Variants in FGF14 observed in about 807,000 individuals in gnomAD.
FGF14 encodes fibroblast growth factor 14.
FGF14 carries 5 observed loss-of-function variants against 25.5 expected under a neutral mutation model. The observed-to-expected ratio is 0.20, with a 90% CI of 0.10 to 0.41. The LOEUF is 0.41. Among genes scored for constraint, FGF14 ranks in the 10% least tolerant of loss-of-function variants. The probability of loss-of-function intolerance (pLI) is 1.00; values close to 1 mark genes in which losing one functional copy is unlikely to be tolerated. For synonymous variants in FGF14, 138 were observed against 118.3 expected, an observed-to-expected ratio of 1.17 and a Z score of -1.08; for missense variants, 222 against 320.1, an observed-to-expected ratio of 0.69 and a Z score of 2.34.
intron 1 of FGF14, among the ~76,000 whole-genome samples, chr13:102,287,350 C>T (rs55863205): frequency 0.1 from 15,522 of 152,126 alleles, 1,020 homozygotes; most frequent in Middle Eastern, 0.2. Flanking sequence ...GCAAAGCCAC[C>T]TTAGTTTATG....
At position 101,724,531 on chromosome 13, in the gene FGF14, T is replaced by C. The variant is rs539007671; in HGVS notation, c.608-1564A>G. Among the ~76,000 whole-genome samples the C allele has an allele frequency of 4.0e-5, 6 of 150,254 alleles. No homozygotes were observed. The East Asian group carries it at 7.9e-4, about 20-fold the overall frequency. On this transcript the variant is annotated intron_variant, in intron 4 of 4. Transcript: ENST00000376143. ...GGGTGCAGCACACCAACATGGCACA[T>C]GTATACATATGTCACAAACCTGCAC... is the stretch of plus-strand genomic sequence containing the variant.
intron 4 of FGF14, among the ~76,000 whole-genome samples, chr13:101,725,403 T>C (rs2035348828): frequency 6.6e-6 from 1 of 152,034 alleles, no homozygotes; most frequent in East Asian, 1.9e-4. Context: ...TTTTCCTGTA[T>C]AGGCCCTGGT....
chr13:101,861,234 C>G (rs1357389997), intron 3 of FGF14, among the ~76,000 whole-genome samples: 1 of 152,110 alleles, frequency 6.6e-6, no homozygotes, highest in Admixed American at 6.6e-5. Flanking sequence ...CTTCTAGGAT[C>G]AATGAGCTTC....
intron 3 of FGF14, among the ~76,000 whole-genome samples, chr13:101,783,161 T>A (rs1183955113): frequency 6.6e-6 from 1 of 152,146 alleles, no homozygotes; most frequent in Non-Finnish European, 1.5e-5. Flanking sequence ...TGATTGTTGG[T>A]GCATGTATGC....
intron 1 of FGF14, among the ~76,000 whole-genome samples, chr13:102,036,309 T>A (rs1336823433): frequency 2.6e-5 from 4 of 152,136 alleles, no homozygotes; most frequent in Non-Finnish European, 2.9e-5. Flanking sequence ...GCCAGTCTTA[T>A]GTACACCACC....
intron 1 of FGF14, among the ~76,000 whole-genome samples, chr13:102,275,077 A>G (rs1485079461): frequency 6.6e-6 from 1 of 152,000 alleles, no homozygotes; most frequent in Non-Finnish European, 1.5e-5. Flanking sequence ...ATCTTAGCAC[A>G]TATTTGAAGC....
In FGF14 at chr13:101,715,484, C is replaced by T; in HGVS notation, c.*7347G>A. On this transcript the variant is annotated 3_prime_UTR_variant, in exon 5 of 5. Transcript: ENST00000376143. The stretch of plus-strand genomic sequence containing the variant: ...ATGAATGAAATGATTTCATTGTGGA[C>T]ACTTGTGATTTATAATAGCATGTTT... 2.1e-6 allele frequency: 2 copies of T among 936,058 alleles called. No homozygotes were observed. Among genetic ancestry groups the T allele is most frequent in the Admixed American group, 1.8e-5 (1 of 57,126 alleles). 58.0% of individuals were successfully genotyped at this position (936,058 alleles called of 1,614,324 possible). A position where few individuals can be genotyped will look rare whatever the true frequency, so the allele number is the denominator to read the frequency against.
chr13:102,099,484 A>T (rs935988011), intron 1 of FGF14, among the ~76,000 whole-genome samples: 1 of 152,218 alleles, frequency 6.6e-6, no homozygotes, highest in African/African-American at 2.4e-5. Flanking sequence ...CAATTTATTA[A>T]GCATCCATTA....
chr13:102,157,723 AGT>A (rs2047413529), intron 1 of FGF14, among the ~76,000 whole-genome samples: 1 of 152,222 alleles, frequency 6.6e-6, no homozygotes, highest in Non-Finnish European at 1.5e-5. Flanking sequence ...TTCTGTTCAG[AGT>A]GAATAGGCAA....
chr13:102,396,595 T>C (rs1221913827), intron 1 of FGF14, among the ~76,000 whole-genome samples: 2 of 152,210 alleles, frequency 1.3e-5, no homozygotes, highest in Middle Eastern at 3.2e-3. Context: ...TGGTTCATTG[T>C]AGGAAACGTG....
chr13:101,897,988 G>C (rs147996935), intron 1 of FGF14, among the ~76,000 whole-genome samples: 2 of 151,676 alleles, frequency 1.3e-5, no homozygotes, highest in African/African-American at 4.9e-5. Context: ...TCTGCCTCCC[G>C]GGTTCAAGTG....
intron 1 of FGF14, among the ~76,000 whole-genome samples, chr13:102,327,771 C>T (rs939719007): frequency 1.1e-4 from 16 of 151,264 alleles, no homozygotes; most frequent in Admixed American, 9.9e-4. Context: ...CCTGGGAGGT[C>T]GAGACTGCAG....
intron 3 of FGF14, among the ~76,000 whole-genome samples, chr13:101,793,771 C>A (rs1215665669): frequency 6.6e-6 from 1 of 152,068 alleles, no homozygotes; most frequent in Non-Finnish European, 1.5e-5. Context: ...CATTGACGCA[C>A]CTGACCCCCT....
chr13:102,134,960 G>T (rs561291723), intron 1 of FGF14, among the ~76,000 whole-genome samples: 11 of 151,952 alleles, frequency 7.2e-5, no homozygotes, highest in African/African-American at 2.7e-4. Flanking sequence ...GAAGTAGAGG[G>T]ATTGCTTGAG....
chr13:102,316,319 A>G (rs556514757), intron 1 of FGF14, among the ~76,000 whole-genome samples: 2 of 152,354 alleles, frequency 1.3e-5, no homozygotes, highest in Non-Finnish European at 2.9e-5. Flanking sequence ...GTCTCTCAAC[A>G]TGCACATCAA....
At chr13:102,203,089 C>T (rs1008433551) in intron 1 of FGF14, among the ~76,000 whole-genome samples, 3 of 152,236 alleles carry the variant, frequency 2.0e-5, no homozygotes, top group African/African-American at 7.2e-5. Flanking sequence ...CCACAGCCAC[C>T]ATCATTTAAA....
chr13:101,978,283 T>C (rs2038048420), intron 1 of FGF14, among the ~76,000 whole-genome samples: 1 of 152,206 alleles, frequency 6.6e-6, no homozygotes, highest in Non-Finnish European at 1.5e-5. Flanking sequence ...CTATAATATG[T>C]GCAGAATGGT....
At chr13:102,011,747 A>T (rs541318669) in intron 1 of FGF14, among the ~76,000 whole-genome samples, 3 of 152,282 alleles carry the variant, frequency 2.0e-5, no homozygotes, top group African/African-American at 7.2e-5. Flanking sequence ...ACAGAAGTGC[A>T]AAGTCTCCGG....
chr13:101,744,910 C>A (rs1474525997), intron 3 of FGF14, among the ~76,000 whole-genome samples: 1 of 151,948 alleles, frequency 6.6e-6, no homozygotes, highest in Non-Finnish European at 1.5e-5. Context: ...ATCCCCTGCC[C>A]TCAAAGACCT....
Sources: allele counts gnomAD v4.1 joint callset (sites outside exome capture counted in the v4.1 genomes callset), GRCh38; gene constraint gnomAD v4.1.1; transcripts MANE v1.5; gene names NCBI Gene and HGNC (gene_info 2026-07-23, HGNC 2026-07-21).